CCDC183: variants seen among roughly 807,000 people sequenced by gnomAD.
CCDC183 encodes coiled-coil domain-containing protein 183.
A neutral mutation model predicts 65.2 loss-of-function variants in CCDC183; 63 were observed. That is an observed-to-expected ratio of 0.97 (90% CI 0.79 to 1.19). The LOEUF (loss-of-function observed/expected upper bound fraction) is 1.19, where lower values mean the gene tolerates loss of function less well. CCDC183 is among the 50% of genes most tolerant of loss of function. The pLI is 0.00. For missense variants in CCDC183, 769 were observed against 689.3 expected (o/e 1.12, Z -1.30); for synonymous variants, 323 against 276.5 (o/e 1.17, Z -1.67).
intron 1 of CCDC183, among the ~76,000 whole-genome samples, chr9:136,796,737 G>A (rs186402091): frequency 6.6e-6 from 1 of 152,322 alleles, no homozygotes; most frequent in East Asian, 1.9e-4. Flanking sequence ...GATGTGCTTT[G>A]TTAACAATGT....
intron 8 of CCDC183, 53 bp from the exon 9 acceptor site, chr9:136,805,304 G>T (rs1847823222): frequency 6.8e-7 from 1 of 1,461,312 alleles, no homozygotes; most frequent in Non-Finnish European, 9.5e-7. Flanking sequence ...GCCTTACACA[G>T]AGCCCCTGAG....
Position 136,802,677 on chromosome 9 carries a change from AC to A in CCDC183, c.561del (p.Ile188LeufsTer20), listed in dbSNP as rs1216693448. On this transcript the variant is annotated frameshift_variant, in exon 6 of 14. Transcript: ENST00000338005. LOFTEE classifies it high-confidence loss of function. Reference sequence around the variant, plus strand: ...CATTCAACACAGGTGCTGGCAGGATACCCCATTGAGCTGGACAAGCTGCAGA... The same window carrying A: ...CATTCAACACAGGTGCTGGCAGGATACCCATTGAGCTGGACAAGCTGCAGA... The part of the protein sequence containing the change: ...LDYLKTVLAG[Y>X]PIELDKLQNL... 1.9e-6 allele frequency: 3 copies of A among 1,612,134 alleles called. No homozygotes were observed. In the Admixed American group the frequency reaches 5.0e-5, roughly 27 times the overall value.
rs78827083 is a variant in CCDC183 at position 136,804,427 on chromosome 9, G to A, written c.667-75G>A. 4,026 of 1,531,866 alleles carry A rather than the reference G, an allele frequency of 2.6e-3. 85 individuals carry two copies. In the African/African-American group the frequency reaches 0.047, roughly 18 times the overall value. 94.9% of individuals were successfully genotyped at this position (1,531,866 alleles called of 1,614,324 possible). On this transcript the variant is annotated intron_variant, in intron 6 of 13. Transcript: ENST00000338005. The surrounding 1 kb of genome is among the most constrained non-coding windows in gnomAD (Gnocchi z 4.1). ...TCTAGTAAGGTGAGCATGGCCAACCGCCCGCTGGCTTTACTGCCATTAGGG... is the reference window on the plus strand; with the variant it reads ...TCTAGTAAGGTGAGCATGGCCAACCACCCGCTGGCTTTACTGCCATTAGGG...
chr9:136,800,566 G>A (rs2131129966), intron 5 of CCDC183, 73 bp downstream of exon 5: 1 of 1,130,362 alleles, frequency 8.8e-7, no homozygotes, highest in Non-Finnish European at 1.3e-6. Context: ...TCCTGGGGCG[G>A]AGCCGCCCCG....
chr9:136,796,560 ACTGT>A, intron 1 of CCDC183, 93 bp downstream of exon 1: 1 of 850,624 alleles, frequency 1.2e-6, no homozygotes, highest in Middle Eastern at 3.4e-4. Flanking sequence ...TCAGATTGTT[ACTGT>A]CTATGTAGAA....
rs991445661 is a variant in CCDC183, at chr9:136,799,301, C to T, written c.192+78C>T. The T allele has an allele frequency of 6.8e-5, 102 of 1,504,512 alleles. No individual in the cohort carries two copies. The African/African-American group carries it at 1.1e-3, about 16-fold the overall frequency. 93.2% of individuals were successfully genotyped at this position (1,504,512 alleles called of 1,614,324 possible). The stretch of plus-strand genomic sequence containing the variant: ...TACACACACACTCGGAGGGCGGGCA[C>T]CTCCTCTCCACCCCCACCCCAATCT... On this transcript the variant is annotated intron_variant, in intron 2 of 13. Transcript: ENST00000338005.
chr9:136,797,890 G>A (rs1414025980), intron 1 of CCDC183, among the ~76,000 whole-genome samples: 1 of 152,044 alleles, frequency 6.6e-6, no homozygotes, highest in African/African-American at 2.4e-5. Flanking sequence ...GCATGATCTC[G>A]GCTCACTGCA....
At chr9:136,802,561 G>A in intron 5 of CCDC183, 103 bp from the exon 6 acceptor site, 6 of 1,466,166 alleles carry the variant, frequency 4.1e-6, no homozygotes, top group Non-Finnish European at 5.5e-6. Context: ...GGGCCACAGA[G>A]GAGAACCTAT....
Position 136,799,198 on chromosome 9 carries a change from C to T in CCDC183, c.167C>T (p.Ala56Val). Residue 56 changes from alanine to valine, a missense_variant, in exon 2 of 14, where the codon GCC becomes GTC. Physicochemically the swap from Ala to Val is moderately conservative, Grantham distance 64. Coordinates refer to ENST00000338005, the MANE Select transcript of CCDC183 (RefSeq NM_001039374.5). ...CTGCGCAGCAACATCCGCCGCGGGGCCCAGGACTGGGCTTTGGCCAAGAAG... is the reference window on the plus strand; with the variant it reads ...CTGCGCAGCAACATCCGCCGCGGGGTCCAGGACTGGGCTTTGGCCAAGAAG... ...ALLRSNIRRGAQDWALAKKYD... is the reference protein window; with the variant it reads ...ALLRSNIRRGVQDWALAKKYD... 1.2e-6 allele frequency: 2 copies of T among 1,609,160 alleles called. No individual in the cohort carries two copies. The highest frequency in any genetic ancestry group is 1.7e-6 in the Non-Finnish European group (2 of 1,178,122).
intron 2 of CCDC183, chr9:136,799,502 C>T (rs1402542992): frequency 8.8e-6 from 6 of 679,734 alleles, no homozygotes; most frequent in Non-Finnish European, 1.5e-5. Flanking sequence ...TAGGGGACAC[C>T]CAGGCCCTCC....
chr9:136,804,344 C>T lies in CCDC183; in HGVS notation c.667-158C>T, dbSNP rs1041803640. The T allele has an allele frequency of 1.5e-4, 154 of 1,008,878 alleles. No homozygotes were observed. The highest frequency in any genetic ancestry group is 1.5e-3 in the African/African-American group (92 of 61,552). 62.5% of individuals were successfully genotyped at this position (1,008,878 alleles called of 1,614,324 possible). A position where few individuals can be genotyped will look rare whatever the true frequency, so the allele number is the denominator to read the frequency against. ...AGGAGGGCCGTGAGCTGAGGGGCCACGGGCACAAGTGGTTTAGGAAAAGGG... is the reference window on the plus strand; with the variant it reads ...AGGAGGGCCGTGAGCTGAGGGGCCATGGGCACAAGTGGTTTAGGAAAAGGG... On this transcript the variant is annotated intron_variant, in intron 6 of 13. Transcript: ENST00000338005. This position sits in a 1 kb window ranked among gnomAD's most constrained non-coding sequence, Gnocchi z 4.1.
intron 13 of CCDC183, 94 bp from the exon 14 acceptor site, chr9:136,807,478 G>C (rs570012023): frequency 1.7e-5 from 25 of 1,434,992 alleles, no homozygotes; most frequent in Admixed American, 1.1e-4. Flanking sequence ...AAGGCACCTG[G>C]CCCGGGTCGG....
chr9:136,802,588 C>T (rs1002279628), intron 5 of CCDC183, 76 bp from the exon 6 acceptor site: 4 of 1,534,864 alleles, frequency 2.6e-6, no homozygotes, highest in Non-Finnish European at 3.5e-6. Context: ...TCTCAGGGCT[C>T]TTAGTCGGGG....
At position 136,805,442 on chromosome 9, in the gene CCDC183, G is replaced by C; in HGVS notation, c.933G>C (p.Arg311=). The C allele has an allele frequency of 5.0e-6, 8 of 1,613,946 alleles. No homozygotes were observed. The highest frequency in any genetic ancestry group is 6.8e-6 in the Non-Finnish European group (8 of 1,179,908). The change falls in exon 9 of 14, where the codon CGG becomes CGC. Residue 311 remains arginine (R), a synonymous_variant. Transcript: ENST00000338005. The part of the protein sequence containing the change: ...AVVEKVKSAV[R]CSHVWDITSR... Reference sequence around the variant, plus strand: ...TGGAGAAGGTCAAGAGTGCTGTACGGTGCTCTCACGTCTGGGTAATGCCCC... The same window carrying C: ...TGGAGAAGGTCAAGAGTGCTGTACGCTGCTCTCACGTCTGGGTAATGCCCC...
At chr9:136,799,585 C>G (rs1173263920) in intron 2 of CCDC183, 128 bp from the exon 3 acceptor site, 1 of 829,612 alleles carries the variant, frequency 1.2e-6, no homozygotes, top group Non-Finnish European at 1.9e-6. Flanking sequence ...CTCTGCTCCT[C>G]GTGGAAGCAG....
chr9:136,799,016 C>G, intron 1 of CCDC183, 86 bp from the exon 2 acceptor site: 1 of 1,544,546 alleles, frequency 6.5e-7, no homozygotes, highest in Non-Finnish European at 8.8e-7. Context: ...GGCCTGGGGC[C>G]TCCCTGATGC....
chr9:136,799,388 C>A, intron 2 of CCDC183, 165 bp downstream of exon 2: 1 of 1,167,584 alleles, frequency 8.6e-7, no homozygotes, highest in Non-Finnish European at 1.2e-6. Context: ...GGGCTCCAGT[C>A]ACCCCAGCAT....
rs778633009 is a variant in CCDC183, at chr9:136,802,642, AAG to A, written c.544-18_544-17del. On this transcript the variant is annotated intron_variant, in intron 5 of 13. Coordinates refer to ENST00000338005, the MANE Select transcript of CCDC183 (RefSeq NM_001039374.5). ...CTGCAGCCCACTCTGTAGGGGCCAC[AAG>A]AGAACCCCATTCAACACAGGTGCTG... is the stretch of plus-strand genomic sequence containing the variant. The A allele has an allele frequency of 8.1e-6, 13 of 1,599,360 alleles. No homozygotes were observed. In the South Asian group the frequency reaches 1.1e-4, roughly 14 times the overall value.
At position 136,799,241 on chromosome 9, in the gene CCDC183, C is replaced by A; in HGVS notation, c.192+18C>A. On this transcript the variant is annotated intron_variant, in intron 2 of 13. Coordinates refer to ENST00000338005, the MANE Select transcript of CCDC183 (RefSeq NM_001039374.5). ...CCAAGAAGGTACACAAACGCCGCCC[C>A]TCCCCTCTGCCTGGCGAGCAGGGCA... 1 of 1,582,042 alleles carries A rather than the reference C, an allele frequency of 6.3e-7. No individual in the cohort carries two copies. The highest frequency in any genetic ancestry group is 1.8e-5 in the Admixed American group (1 of 56,422).
Sources: gnomAD v4.1 joint callset for allele counts (sites outside exome capture counted in the v4.1 genomes callset) on GRCh38, gnomAD v4.1.1 for gene constraint, Gnocchi (gnomAD v3.1) non-coding constraint, MANE v1.5 for transcripts, NCBI Gene and HGNC (gene_info 2026-07-23, HGNC 2026-07-21) for gene names.